RSPH14: variants seen among roughly 807,000 people sequenced by gnomAD.
RSPH14 encodes radial spoke head 14 homolog, also known as rhabdoid tumor deletion region gene 1.
Under a neutral mutation model 26.7 loss-of-function variants are expected in RSPH14, and 20 were observed. The observed-to-expected ratio is 0.75, with a 90% CI of 0.53 to 1.09. The LOEUF is 1.09. Among genes scored for constraint, RSPH14 ranks in the 50% least tolerant of loss-of-function variants. The probability of loss-of-function intolerance (pLI) is 0.00; values close to 1 mark genes in which losing one functional copy is unlikely to be tolerated. For missense variants in RSPH14, 449 were observed against 457.2 expected (o/e 0.98, Z 0.16); for synonymous variants, 177 against 189.3 (o/e 0.93, Z 0.53).
At chr22:23,161,121 ACC>A in the RSPH14 span, 3 of 1,256,758 alleles carry the variant, frequency 2.4e-6, no homozygotes, top group Admixed American at 2.6e-5. Flanking sequence ...CTGTCCTTTG[ACC>A]CTCCTCTCAG....
At chr22:23,106,039 C>T (rs769940626) in intron 4 of RSPH14, among the ~76,000 whole-genome samples, 22 of 152,208 alleles carry the variant, frequency 1.4e-4, no homozygotes, top group Non-Finnish European at 2.2e-4. Flanking sequence ...CTCCCACCAT[C>T]TTGGAATTTT....
chr22:23,129,267 A>C (rs2070251431), intron 4 of RSPH14, among the ~76,000 whole-genome samples: 1 of 151,906 alleles, frequency 6.6e-6, no homozygotes, highest in Admixed American at 6.6e-5. Flanking sequence ...TCATTGTCCA[A>C]CTGTCCCCTG....
chr22:23,152,113 G>A, the RSPH14 span, among the ~76,000 whole-genome samples: 15 of 152,216 alleles, frequency 9.9e-5, no homozygotes, highest in Non-Finnish European at 1.2e-4. Flanking sequence ...CAGCACAGAC[G>A]TGCCCACGGC....
At chr22:23,141,737 C>T (rs2070604886) in intron 1 of RSPH14, among the ~76,000 whole-genome samples, 1 of 152,208 alleles carries the variant, frequency 6.6e-6, no homozygotes. Flanking sequence ...CTGGGAGGGA[C>T]GTGGCCATGT....
rs187559871 is a variant in RSPH14 at position 23,081,617 on chromosome 22, T to A, written c.422-17484A>T. Among the ~76,000 whole-genome samples, 4 of 144,806 alleles carry A rather than the reference T, an allele frequency of 2.8e-5. No individual in the cohort carries two copies. The East Asian group carries it at 6.1e-4, about 22-fold the overall frequency. 95.0% of individuals were successfully genotyped at this position (144,806 alleles called of 152,430 possible). On this transcript the variant is annotated intron_variant, in intron 4 of 6. Transcript: ENST00000216036. ...CAGGTGGATCATTTGAGGTCAGGAG[T>A]TTGAGACCAATGTGGCCAACATGGC...
chr22:23,096,434 G>A (rs772102741), intron 4 of RSPH14: 2 of 1,585,928 alleles, frequency 1.3e-6, no homozygotes, highest in East Asian at 2.2e-5. Context: ...TGGGGCCGGG[G>A]GTTTTCCTCT....
At position 23,068,955 on chromosome 22, in the gene RSPH14, C is replaced by T. The variant is rs552975578; in HGVS notation, c.422-4822G>A. On this transcript the variant is annotated intron_variant, in intron 4 of 6. Transcript: ENST00000216036. ...CTGAATTCCCTTGGTCCTCACTGGA[C>T]ACCTCCAGTGAGCACTAAGTTCGCC... 1.1e-3 allele frequency among the ~76,000 whole-genome samples: 161 copies of T among 152,322 alleles called. 4 individuals are homozygous for T. In the South Asian group the frequency reaches 0.022, roughly 21 times the overall value.
chr22:23,169,407 C>T, the RSPH14 span, among the ~76,000 whole-genome samples: 2 of 152,256 alleles, frequency 1.3e-5, no homozygotes, highest in Non-Finnish European at 2.9e-5. Flanking sequence ...GGCCTCCAGC[C>T]TCCCAAGTGG....
chr22:23,063,884 G>T lies in RSPH14; in HGVS notation c.653+18C>A, dbSNP rs539148196. On this transcript the variant is annotated intron_variant, in intron 5 of 6. Transcript: ENST00000216036. The stretch of plus-strand genomic sequence containing the variant: ...TTCTCCCAGCCTTGGTAGAAACCCA[G>T]CCTAGGCCAGGCCTCACCTGACATT... 2.5e-5 allele frequency: 41 copies of T among 1,612,390 alleles called. No homozygotes were observed. The East Asian group carries it at 7.8e-4, about 31-fold the overall frequency.
At chr22:23,154,386 T>A in the RSPH14 span, among the ~76,000 whole-genome samples, 1 of 152,202 alleles carries the variant, frequency 6.6e-6, no homozygotes, top group Non-Finnish European at 1.5e-5. Context: ...TAGTGCCCCC[T>A]TCTCTCAGGA....
intron 4 of RSPH14, among the ~76,000 whole-genome samples, chr22:23,126,575 C>T (rs187860220): frequency 4.9e-4 from 75 of 152,362 alleles, no homozygotes; most frequent in Non-Finnish European, 1.1e-3. Context: ...AGGCCAGCGC[C>T]TCTGACCCAC....
the RSPH14 span, among the ~76,000 whole-genome samples, chr22:23,152,136 A>G: frequency 1.9e-4 from 29 of 152,164 alleles, no homozygotes; most frequent in African/African-American, 7.0e-4. Flanking sequence ...TTGGTTGGTT[A>G]CCACAGCCAC....
the RSPH14 span, among the ~76,000 whole-genome samples, chr22:23,179,514 C>T: frequency 5.1e-3 from 772 of 152,304 alleles, 12 homozygotes; most frequent in African/African-American, 0.018. Flanking sequence ...GGTTGGCCGC[C>T]CCCTTAGAGG....
chr22:23,173,343 C>T, the RSPH14 span, among the ~76,000 whole-genome samples: 1 of 152,110 alleles, frequency 6.6e-6, no homozygotes, highest in African/African-American at 2.4e-5. Flanking sequence ...AACATGTTAG[C>T]CAGGATGATC....
rs958441994 is a variant in RSPH14, at chr22:23,071,537, G to C, written c.422-7404C>G. Among the ~76,000 whole-genome samples, 5 of 152,226 alleles carry C rather than the reference G, an allele frequency of 3.3e-5. No homozygotes were observed. Among genetic ancestry groups the C allele is most frequent in the Non-Finnish European group, 1.5e-5 (1 of 68,042 alleles). ...CTGGGGATTGAGCTCTCTGGAGAAG[G>C]CTCCTTGGCCAAATTCAATTAAGCA... On this transcript the variant is annotated intron_variant, in intron 4 of 6. Transcript: ENST00000216036. This position sits in a 1 kb window ranked among gnomAD's most constrained non-coding sequence, Gnocchi z 4.1.
intron 4 of RSPH14, among the ~76,000 whole-genome samples, chr22:23,106,552 C>T (rs1170094210): frequency 1.3e-5 from 2 of 152,214 alleles, no homozygotes; most frequent in Non-Finnish European, 2.9e-5. Flanking sequence ...GGCCCAGCAG[C>T]ACAGTTCCTG....
chr22:23,066,710 C>T (rs957389709), intron 4 of RSPH14, among the ~76,000 whole-genome samples: 2 of 152,032 alleles, frequency 1.3e-5, no homozygotes, highest in African/African-American at 2.4e-5. Flanking sequence ...GGGAAACAAT[C>T]GGGGAAATCC....
chr22:23,114,206 G>A (rs117106122), intron 4 of RSPH14, among the ~76,000 whole-genome samples: 71 of 152,330 alleles, frequency 4.7e-4, no homozygotes, highest in East Asian at 4.4e-3. Flanking sequence ...TGAATGGAGC[G>A]CATTCATGTC....
At chr22:23,175,772 C>T in the RSPH14 span, among the ~76,000 whole-genome samples, 1 of 152,204 alleles carries the variant, frequency 6.6e-6, no homozygotes, top group Non-Finnish European at 1.5e-5. Flanking sequence ...ATCCAGCCTC[C>T]AGCTTCTGCA....
Sources: gnomAD v4.1 joint callset for allele counts (sites outside exome capture counted in the v4.1 genomes callset) on GRCh38, gnomAD v4.1.1 for gene constraint, Gnocchi (gnomAD v3.1) non-coding constraint, MANE v1.5 for transcripts, NCBI Gene and HGNC (gene_info 2026-07-23, HGNC 2026-07-21) for gene names.